The following KCNB2 variants were observed in gnomAD, a reference collection of about 807,000 sequenced individuals.
KCNB2 encodes the protein potassium voltage-gated channel subfamily B member 2, also known as delayed rectifier potassium channel protein.
A neutral mutation model predicts 61.5 loss-of-function variants in KCNB2; 15 were observed. The ratio of observed to expected loss-of-function variants is 0.24; its 90% confidence interval spans 0.16 to 0.38. The LOEUF is 0.38. Ranked by LOEUF, KCNB2 falls within the 10% of genes least tolerant of loss-of-function variation. KCNB2 has a pLI of 1.00. For synonymous variants in KCNB2, 457 were observed against 446.0 expected (o/e 1.02, Z -0.31); for missense variants, 828 against 1,125.2 (o/e 0.74, Z 3.78).
At chr8:72,815,080 G>A (rs1056352264) in intron 2 of KCNB2, among the ~76,000 whole-genome samples, 1 of 152,090 alleles carries the variant, frequency 6.6e-6, no homozygotes, top group African/African-American at 2.4e-5. Context: ...TAATTTTTAG[G>A]ATGTTTTCTC....
intron 2 of KCNB2, among the ~76,000 whole-genome samples, chr8:72,780,265 A>G (rs1808732217): frequency 6.6e-6 from 1 of 152,186 alleles, no homozygotes; most frequent in African/African-American, 2.4e-5. Context: ...TATCTGCAAG[A>G]ATGTGATCTT....
chr8:72,844,716 C>G lies in KCNB2; in HGVS notation c.580-91219C>G, dbSNP rs192131935. On this transcript the variant is annotated intron_variant, in intron 2 of 2. Coordinates refer to ENST00000523207, the MANE Select transcript of KCNB2 (RefSeq NM_004770.3). The stretch of plus-strand genomic sequence containing the variant: ...CTTCAATGTCTGATATCCTTTCTTC[C>G]GCTTAATCAATTCGGCTATTGATGC... 5.4e-3 allele frequency among the ~76,000 whole-genome samples: 817 copies of G among 152,234 alleles called. 17 individuals carry two copies. The highest frequency in any genetic ancestry group is 0.033 in the Admixed American group (503 of 15,298).
chr8:72,658,672 A>G (rs1806331208), intron 2 of KCNB2, among the ~76,000 whole-genome samples: 1 of 152,206 alleles, frequency 6.6e-6, no homozygotes, highest in Non-Finnish European at 1.5e-5. Flanking sequence ...AGCCTCAAAG[A>G]ACAGGCTGAC....
intron 2 of KCNB2, among the ~76,000 whole-genome samples, chr8:72,669,164 G>T (rs1307725678): frequency 6.6e-6 from 1 of 152,142 alleles, no homozygotes; most frequent in Non-Finnish European, 1.5e-5. Context: ...AGACCAGGCA[G>T]AAAGCTACCT....
At position 72,937,044 on chromosome 8, in the gene KCNB2, G is replaced by T. The variant is rs779733202; in HGVS notation, c.1689G>T (p.Lys563Asn). Residue 563 changes from lysine to asparagine, a missense_variant, in exon 3 of 3, where the codon AAG becomes AAT. Physicochemically the swap from Lys to Asn is moderately conservative, Grantham distance 94 (BLOSUM62 0). Around this residue, in one of 4 missense-constraint regions of KCNB2, gnomAD observed 559 missense variants for 588.4 expected, o/e 0.95. Coordinates refer to ENST00000523207, the MANE Select transcript of KCNB2 (RefSeq NM_004770.3). ...ACCCAAACCCAGACTGCCAAGAAAA[G>T]CCTGAGAGGCCATCTGCATATGAAG... is the stretch of plus-strand genomic sequence containing the variant. Reference protein sequence around the residue: ...HSHPNPDCQEKPERPSAYEEE... With the variant: ...HSHPNPDCQENPERPSAYEEE... The T allele has an allele frequency of 6.2e-7, 1 of 1,614,126 alleles. No individual in the cohort carries two copies. The highest frequency in any genetic ancestry group is 8.5e-7 in the Non-Finnish European group (1 of 1,180,018).
chr8:72,624,332 A>G (rs897510852), intron 2 of KCNB2, among the ~76,000 whole-genome samples: 3 of 152,332 alleles, frequency 2.0e-5, no homozygotes, highest in East Asian at 1.9e-4. Flanking sequence ...TCGAAGAAGA[A>G]GCACACATTA....
chr8:72,816,824 C>T (rs556854374), intron 2 of KCNB2, among the ~76,000 whole-genome samples: 63 of 152,286 alleles, frequency 4.1e-4, no homozygotes, highest in African/African-American at 1.5e-3. Flanking sequence ...CAATGGTGGG[C>T]CTCCACTGCC....
At position 72,870,362 on chromosome 8, in the gene KCNB2, TTAAAAAAACATATTAAA is replaced by T. The variant is rs1805596757; in HGVS notation, c.580-65572_580-65556del. ...GTTCTTACTGCAGTAAAAATACATT[TTAAAAAAACATATTAAA>T]ATTGTATAATTGCATTGAGAAAAAT... On this transcript the variant is annotated intron_variant, in intron 2 of 2. Transcript: ENST00000523207. Among the ~76,000 whole-genome samples, 7 of 152,282 alleles carry T rather than the reference TTAAAAAAACATATTAAA, an allele frequency of 4.6e-5. No homozygotes were observed. In the South Asian group the frequency reaches 1.5e-3, roughly 32 times the overall value.
At chr8:72,901,490 T>C (rs535334431) in intron 2 of KCNB2, among the ~76,000 whole-genome samples, 1 of 152,344 alleles carries the variant, frequency 6.6e-6, no homozygotes, top group East Asian at 1.9e-4. Context: ...ACATTATGAC[T>C]TTCTTCTATA....
intron 2 of KCNB2, among the ~76,000 whole-genome samples, chr8:72,640,634 A>G (rs542163398): frequency 1.3e-5 from 2 of 152,224 alleles, no homozygotes; most frequent in East Asian, 3.9e-4. Flanking sequence ...GCTTTACAAA[A>G]TCAGATCCTA....
At chr8:72,595,148 G>C (rs1044493744) in intron 2 of KCNB2, among the ~76,000 whole-genome samples, 9 of 151,718 alleles carry the variant, frequency 5.9e-5, no homozygotes, top group Admixed American at 5.9e-4. Context: ...CCCTAACAGA[G>C]CCCTTCCTGT....
intron 2 of KCNB2, among the ~76,000 whole-genome samples, chr8:72,600,664 AG>A (rs1370426822): frequency 3.9e-5 from 6 of 152,198 alleles, no homozygotes; most frequent in Non-Finnish European, 7.3e-5. Context: ...GCCATAAAAA[AG>A]GATGAGATCA....
intron 2 of KCNB2, among the ~76,000 whole-genome samples, chr8:72,730,886 A>T (rs1046002800): frequency 1.3e-5 from 2 of 151,530 alleles, no homozygotes; most frequent in African/African-American, 4.9e-5. Flanking sequence ...TTAGACTATT[A>T]AAAAAAAATG....
chr8:72,735,241 C>T (rs1268216299), intron 2 of KCNB2, among the ~76,000 whole-genome samples: 4 of 152,130 alleles, frequency 2.6e-5, no homozygotes, highest in African/African-American at 9.7e-5. Context: ...AAGAATTGGT[C>T]ACCAGGAAGT....
In KCNB2 at chr8:72,926,073, C is replaced by G. The variant is rs189502385; in HGVS notation, c.580-9862C>G. Among the ~76,000 whole-genome samples the G allele has an allele frequency of 1.3e-3, 195 of 152,192 alleles. 1 individual carries two copies. The highest frequency in any genetic ancestry group is 4.6e-3 in the African/African-American group (193 of 41,536). ...GAACACATGGACACATTGTGGGGAA[C>G]AACACACCCTGGGGCCTGTCAGGGC... On this transcript the variant is annotated intron_variant, in intron 2 of 2. Coordinates refer to ENST00000523207, the MANE Select transcript of KCNB2 (RefSeq NM_004770.3).
intron 2 of KCNB2, among the ~76,000 whole-genome samples, chr8:72,805,204 CCAAA>C (rs1245036366): frequency 1.3e-5 from 2 of 152,064 alleles, no homozygotes; most frequent in African/African-American, 4.8e-5. Context: ...AGATCAGTAG[CCAAA>C]CACTTTACAA....
chr8:72,863,784 C>G (rs1168301598), intron 2 of KCNB2, among the ~76,000 whole-genome samples: 1 of 152,152 alleles, frequency 6.6e-6, no homozygotes, highest in East Asian at 1.9e-4. Context: ...CCAAGGCAGG[C>G]AGATGGCTTG....
intron 2 of KCNB2, among the ~76,000 whole-genome samples, chr8:72,691,504 A>T (rs578166283): frequency 8.5e-5 from 13 of 152,324 alleles, no homozygotes; most frequent in African/African-American, 3.1e-4. Flanking sequence ...TTCACGCATA[A>T]TAAGCTAATC....
At chr8:72,597,023 T>TGC (rs1170568263) in intron 2 of KCNB2, among the ~76,000 whole-genome samples, 1 of 51,136 alleles carries the variant, frequency 2.0e-5, no homozygotes, top group Non-Finnish European at 6.4e-5. Flanking sequence ...TTTTTTTTTT[T>TGC]TTTTTTTTTT....
Sources: gnomAD v4.1 joint callset for allele counts (sites outside exome capture counted in the v4.1 genomes callset) on GRCh38, gnomAD v4.1.1 for gene constraint, gnomAD v4.1.1 regional missense constraint, MANE v1.5 for transcripts, NCBI Gene and HGNC (gene_info 2026-07-23, HGNC 2026-07-21) for gene names.